SH3GL3: variants seen among roughly 807,000 people sequenced by gnomAD.
SH3GL3 encodes the protein SH3 domain containing GRB2 like 3, endophilin A3, also known as endophilin-A3.
In SH3GL3, 33 loss-of-function variants were observed where a neutral mutation model predicts 47.7. The observed-to-expected ratio is 0.69, with a 90% CI of 0.52 to 0.92. SH3GL3 has a LOEUF of 0.92. SH3GL3 is among the 40% of genes least tolerant of loss of function. The pLI is 0.00. For missense variants in SH3GL3, 363 were observed against 417.8 expected (o/e 0.87, Z 1.14); for synonymous variants, 155 against 148.8 (o/e 1.04, Z -0.30).
Position 83,587,031 on chromosome 15 carries a change from T to A in SH3GL3, c.673T>A (p.Tyr225Asn), listed in dbSNP as rs745846494. ...TGTGTTCATAGAGGCAGCATTAGAC[T>A]ATCACAGACAGTCCACAGAGATTCT... ...LAVFIEAALD[Y>N]HRQSTEILQE... The change falls in exon 7 of 9, where the codon TAT (tyrosine) becomes AAT (asparagine). Residue 225 changes from tyrosine (Y) to asparagine (N), a missense_variant. Transcript: ENST00000427482. The A allele has an allele frequency of 7.4e-6, 12 of 1,611,144 alleles. No individual in the cohort carries two copies. The highest frequency in any genetic ancestry group is 8.5e-6 in the Non-Finnish European group (10 of 1,178,690).
chr15:83,588,791 A>G lies in SH3GL3; in HGVS notation c.838+20A>G, dbSNP rs771758393. 2.6e-5 allele frequency: 34 copies of G among 1,294,952 alleles called. No individual in the cohort carries two copies. Among genetic ancestry groups the G allele is most frequent in the Non-Finnish European group, 3.8e-5 (34 of 888,720 alleles). The allele number at this position is 1,294,952 out of a possible 1,614,324, so 80.2% of individuals were successfully genotyped here. On this transcript the variant is annotated intron_variant, in intron 8 of 8. Coordinates refer to ENST00000427482, the MANE Select transcript of SH3GL3 (RefSeq NM_003027.5). ...CGACAGGTAAGTTGACCATTCTAATATGCTAAGTGTGCCTTTAGTAAAGCA... is the reference window on the plus strand; with the variant it reads ...CGACAGGTAAGTTGACCATTCTAATGTGCTAAGTGTGCCTTTAGTAAAGCA...
intron 1 of SH3GL3, among the ~76,000 whole-genome samples, chr15:83,482,425 C>G (rs913568719): frequency 1.2e-4 from 18 of 151,600 alleles, no homozygotes; most frequent in Non-Finnish European, 2.7e-4. Context: ...TTAATGTATA[C>G]TGCCTCCTTA....
At chr15:83,507,304 G>T (rs559926235) in intron 1 of SH3GL3, among the ~76,000 whole-genome samples, 2 of 151,762 alleles carry the variant, frequency 1.3e-5, no homozygotes, top group Non-Finnish European at 2.9e-5. Context: ...CACCGTGCCC[G>T]GCCTGTGTAC....
At chr15:83,589,448 C>T (rs1596316377) in intron 8 of SH3GL3, among the ~76,000 whole-genome samples, 1 of 152,170 alleles carries the variant, frequency 6.6e-6, no homozygotes. Flanking sequence ...ATGAACATGG[C>T]TCGGTGCAGC....
At chr15:83,466,472 C>T (rs1256185593) in intron 1 of SH3GL3, among the ~76,000 whole-genome samples, 2 of 151,726 alleles carry the variant, frequency 1.3e-5, no homozygotes, top group African/African-American at 2.4e-5. Flanking sequence ...ATCACAAAGG[C>T]CCCAAGATGG....
chr15:83,596,560 G>A (rs1026473383), intron 8 of SH3GL3, among the ~76,000 whole-genome samples: 11 of 152,158 alleles, frequency 7.2e-5, no homozygotes, highest in Middle Eastern at 3.2e-3. Context: ...ATTCCCTTCC[G>A]TATTCCTCAT....
intron 1 of SH3GL3, among the ~76,000 whole-genome samples, chr15:83,547,128 A>G (rs897227021): frequency 2.0e-5 from 3 of 152,220 alleles, no homozygotes; most frequent in African/African-American, 7.2e-5. Context: ...GTATTTGTCC[A>G]GGAATTGCAG....
chr15:83,593,787 A>G (rs538278164), intron 8 of SH3GL3, among the ~76,000 whole-genome samples: 2 of 152,128 alleles, frequency 1.3e-5, no homozygotes, highest in Admixed American at 6.6e-5. Context: ...CTTCATAATT[A>G]AGGATGATTT....
At chr15:83,486,502 CTTTTGTG>C in intron 1 of SH3GL3, among the ~76,000 whole-genome samples, 1 of 152,196 alleles carries the variant, frequency 6.6e-6, no homozygotes, top group African/African-American at 2.4e-5. Context: ...AATATGTGAC[CTTTTGTG>C]TTTTGCTTCT....
chr15:83,572,760 C>G, intron 5 of SH3GL3, 62 bp downstream of exon 5: 2 of 1,251,532 alleles, frequency 1.6e-6, no homozygotes, highest in Non-Finnish European at 2.3e-6. Flanking sequence ...TATTTAAAAT[C>G]ACTAGAACGT....
chr15:83,631,383 C>T, the SH3GL3 span, among the ~76,000 whole-genome samples: 1 of 152,226 alleles, frequency 6.6e-6, no homozygotes, highest in African/African-American at 2.4e-5. Flanking sequence ...AGTGGGGACT[C>T]TGTGTGGGGG....
At chr15:83,487,735 G>T (rs1477998293) in intron 1 of SH3GL3, among the ~76,000 whole-genome samples, 2 of 152,138 alleles carry the variant, frequency 1.3e-5, no homozygotes, top group African/African-American at 4.8e-5. Context: ...GAGGCCAGGG[G>T]CTGAGCTGGT....
At chr15:83,506,782 G>T (rs1241946583) in intron 1 of SH3GL3, among the ~76,000 whole-genome samples, 1 of 152,016 alleles carries the variant, frequency 6.6e-6, no homozygotes, top group South Asian at 2.1e-4. Context: ...TGTTTCTGGT[G>T]TGAATTGGCC....
At chr15:83,592,056 T>A (rs1567020312) in intron 8 of SH3GL3, among the ~76,000 whole-genome samples, 1 of 152,250 alleles carries the variant, frequency 6.6e-6, no homozygotes, top group Non-Finnish European at 1.5e-5. Context: ...TTCCCAGTGC[T>A]TATTTTCTGC....
At chr15:83,515,950 T>C (rs2042962583) in intron 1 of SH3GL3, among the ~76,000 whole-genome samples, 1 of 152,244 alleles carries the variant, frequency 6.6e-6, no homozygotes, top group Non-Finnish European at 1.5e-5. Flanking sequence ...ATCACAGTAA[T>C]AAATTGATTT....
At chr15:83,456,990 G>A (rs1024013287) in intron 1 of SH3GL3, among the ~76,000 whole-genome samples, 1 of 152,170 alleles carries the variant, frequency 6.6e-6, no homozygotes, top group Non-Finnish European at 1.5e-5. Context: ...CTTGTTAAAC[G>A]TGGTACCTCA....
chr15:83,503,825 G>A (rs2042383077), intron 1 of SH3GL3, among the ~76,000 whole-genome samples: 1 of 152,182 alleles, frequency 6.6e-6, no homozygotes, highest in African/African-American at 2.4e-5. Flanking sequence ...CTTTTGTTAT[G>A]CATCGCCAAG....
chr15:83,555,314 TA>T (rs1325560664), intron 1 of SH3GL3, among the ~76,000 whole-genome samples: 3 of 152,236 alleles, frequency 2.0e-5, no homozygotes, highest in African/African-American at 7.2e-5. Context: ...AAACACACAT[TA>T]AAAAGTCTAT....
At chr15:83,493,274 A>G (rs1005635112) in intron 1 of SH3GL3, among the ~76,000 whole-genome samples, 1 of 152,188 alleles carries the variant, frequency 6.6e-6, no homozygotes, top group Non-Finnish European at 1.5e-5. Flanking sequence ...TCCGGGGACT[A>G]TAAGGTGGGC....
Sources: gnomAD v4.1 joint callset for allele counts (sites outside exome capture counted in the v4.1 genomes callset) on GRCh38, gnomAD v4.1.1 for gene constraint, MANE v1.5 for transcripts, NCBI Gene and HGNC (gene_info 2026-07-23, HGNC 2026-07-21) for gene names.